Variants in UGT1A8 observed in about 807,000 individuals in gnomAD.
UGT1A8 encodes the protein UDP-glucuronosyltransferase 1A8.
In UGT1A8, 39 loss-of-function variants were observed where a neutral mutation model predicts 45.3. The ratio of observed to expected loss-of-function variants is 0.86; its 90% CI spans 0.67 to 1.12. The LOEUF is 1.12. Ranked by LOEUF, UGT1A8 falls within the 50% of genes most tolerant of loss-of-function variation. The probability of loss-of-function intolerance (pLI) is 0.00; values close to 1 mark genes in which losing one functional copy is unlikely to be tolerated. For synonymous variants in UGT1A8, 275 were observed against 249.2 expected, an observed-to-expected ratio of 1.10 and a Z score of -0.97; for missense variants, 719 against 664.9, an observed-to-expected ratio of 1.08 and a Z score of -0.90.
At chr2:233,680,905 A>G (rs1209365147) in intron 1 of UGT1A8, among the ~76,000 whole-genome samples, 2 of 152,054 alleles carry the variant, frequency 1.3e-5, no homozygotes, top group Admixed American at 1.3e-4. Flanking sequence ...ACTGCAGACA[A>G]TGTATCTGAG....
intron 1 of UGT1A8, among the ~76,000 whole-genome samples, chr2:233,678,045 C>T (rs190246468): frequency 6.2e-4 from 95 of 152,154 alleles, no homozygotes; most frequent in African/African-American, 2.2e-3. Context: ...GAGGTCATTA[C>T]CCTAAGGGAA....
chr2:233,697,459 C>A (rs958689433), intron 1 of UGT1A8, among the ~76,000 whole-genome samples: 3 of 147,922 alleles, frequency 2.0e-5, no homozygotes, highest in Admixed American at 6.7e-5. Context: ...TGAGTGTTTT[C>A]TCTTTTTCTT....
intron 2 of UGT1A8, 105 bp downstream of exon 2, chr2:233,767,270 C>T: frequency 6.3e-7 from 1 of 1,582,714 alleles, no homozygotes; most frequent in Non-Finnish European, 8.5e-7. Flanking sequence ...TTAGATTTGG[C>T]TTTTCCCTGC....
chr2:233,772,766 C>A lies in UGT1A8; in HGVS notation c.*207C>A, dbSNP rs910513508. The A allele has an allele frequency of 8.7e-6, 12 of 1,374,468 alleles. No homozygotes were observed. Among genetic ancestry groups the A allele is most frequent in the East Asian group, 7.6e-5 (3 of 39,290 alleles). 85.1% of individuals were successfully genotyped at this position (1,374,468 alleles called of 1,614,324 possible). ...AGATATTTGAATATGTATCGTGCCC[C>A]CTCTGGTGTCTTTGATCAGGATGAC... On this transcript the variant is annotated 3_prime_UTR_variant, in exon 5 of 5. Transcript: ENST00000373450.
chr2:233,639,151 A>G (rs1410412373), intron 1 of UGT1A8, among the ~76,000 whole-genome samples: 1 of 152,232 alleles, frequency 6.6e-6, no homozygotes, highest in African/African-American at 2.4e-5. Context: ...TATCTATAAA[A>G]AATGAAACAT....
At chr2:233,747,669 C>T in intron 1 of UGT1A8, 1 of 1,603,504 alleles carries the variant, frequency 6.2e-7, no homozygotes, top group South Asian at 1.1e-5. Flanking sequence ...TTTAATAGAC[C>T]CAATTTACCT....
At chr2:233,644,307 C>G (rs994495336) in intron 1 of UGT1A8, among the ~76,000 whole-genome samples, 7 of 152,174 alleles carry the variant, frequency 4.6e-5, no homozygotes, top group Non-Finnish European at 1.0e-4. Flanking sequence ...GTGGCTCATG[C>G]CTGTAATCCC....
chr2:233,672,325 A>C, intron 1 of UGT1A8: 2 of 1,614,096 alleles, frequency 1.2e-6, no homozygotes, highest in Non-Finnish European at 1.7e-6. Flanking sequence ...GTTTAAAGAC[A>C]AAAAATTAGT....
chr2:233,741,050 G>A (rs1276633164), intron 1 of UGT1A8, among the ~76,000 whole-genome samples: 2 of 151,768 alleles, frequency 1.3e-5, no homozygotes, highest in African/African-American at 4.9e-5. Context: ...TCTTGCCTAG[G>A]TAACAGCTAC....
intron 1 of UGT1A8, among the ~76,000 whole-genome samples, chr2:233,653,484 A>G (rs2073786806): frequency 6.6e-6 from 1 of 152,212 alleles, no homozygotes; most frequent in South Asian, 2.1e-4. Flanking sequence ...AGCTTTGATC[A>G]TCTGAAATAC....
At chr2:233,745,942 T>C (rs1437822844) in intron 1 of UGT1A8, among the ~76,000 whole-genome samples, 1 of 151,412 alleles carries the variant, frequency 6.6e-6, no homozygotes, top group Non-Finnish European at 1.5e-5. Flanking sequence ...CAGCTGGGGG[T>C]TGGGCAACTG....
intron 1 of UGT1A8, among the ~76,000 whole-genome samples, chr2:233,654,085 G>C (rs898226144): frequency 6.6e-6 from 1 of 152,120 alleles, no homozygotes; most frequent in Non-Finnish European, 1.5e-5. Context: ...CACAGTCTCT[G>C]CCTTCAGTAT....
At chr2:233,721,629 A>G (rs923769431) in intron 1 of UGT1A8, 1 of 200,638 alleles carries the variant, frequency 5.0e-6, no homozygotes, top group Non-Finnish European at 1.0e-5. Context: ...ATCAGTAAAG[A>G]TCATCTTGAA....
At position 233,693,437 on chromosome 2, in the gene UGT1A8, G is replaced by C. The variant is rs955670837; in HGVS notation, c.856-73597G>C. On this transcript the variant is annotated intron_variant, in intron 1 of 4. Coordinates refer to ENST00000373450, the MANE Select transcript of UGT1A8 (RefSeq NM_019076.5). ...GAACTTCTTTAAGGAGAGCAAGTTTGATGCTCTTTTCACAGACCCAGCCTT... is the reference window on the plus strand; with the variant it reads ...GAACTTCTTTAAGGAGAGCAAGTTTCATGCTCTTTTCACAGACCCAGCCTT... 17 of 1,614,030 alleles carry C rather than the reference G, an allele frequency of 1.1e-5. No individual in the cohort carries two copies. The highest frequency in any genetic ancestry group is 1.4e-5 in the Non-Finnish European group (16 of 1,180,034).
intron 1 of UGT1A8, among the ~76,000 whole-genome samples, chr2:233,749,606 T>A (rs1054542224): frequency 2.6e-5 from 4 of 151,906 alleles, no homozygotes; most frequent in Admixed American, 2.6e-4. Context: ...CACACTAGAT[T>A]TATCATGATT....
chr2:233,671,836 G>A lies in UGT1A8; in HGVS notation c.855+53274G>A, dbSNP rs187589331. 4.2e-5 allele frequency: 61 copies of A among 1,461,208 alleles called. 1 individual carries two copies. The Admixed American group carries it at 4.4e-4, about 10-fold the overall frequency. The allele number at this position is 1,461,208 out of a possible 1,614,324, so 90.5% of individuals were successfully genotyped here. A position where few individuals can be genotyped will look rare whatever the true frequency, so the allele number is the denominator to read the frequency against. ...TTTTTTTATGAAAGGATAAAAACAC[G>A]CCCTCTATTGGGGTCAGGTTTTGTG... On this transcript the variant is annotated intron_variant, in intron 1 of 4. Coordinates refer to ENST00000373450, the MANE Select transcript of UGT1A8 (RefSeq NM_019076.5).
chr2:233,636,893 G>T (rs1357198384), intron 1 of UGT1A8: 5 of 1,613,910 alleles, frequency 3.1e-6, no homozygotes, highest in Middle Eastern at 1.6e-4. Context: ...TTTTCGCATT[G>T]CAGGAGTTTG....
chr2:233,726,552 G>A (rs2125720134), intron 1 of UGT1A8, among the ~76,000 whole-genome samples: 1 of 152,244 alleles, frequency 6.6e-6, no homozygotes, highest in African/African-American at 2.4e-5. Context: ...GCGTCTTCAA[G>A]TCTCCCACTC....
chr2:233,690,425 C>T, intron 1 of UGT1A8: 1 of 1,246,722 alleles, frequency 8.0e-7, no homozygotes, highest in Non-Finnish European at 1.0e-6. Flanking sequence ...CCTTCATGCA[C>T]ATCTTTGGGT....
Sources: allele counts gnomAD v4.1 joint callset (sites outside exome capture counted in the v4.1 genomes callset), GRCh38; gene constraint gnomAD v4.1.1; transcripts MANE v1.5; gene names NCBI Gene and HGNC (gene_info 2026-07-23, HGNC 2026-07-21).